The following CREG2 variants were observed in gnomAD, a reference collection of about 807,000 sequenced individuals.
CREG2 encodes protein CREG2.
A neutral mutation model predicts 26.2 loss-of-function variants in CREG2; 24 were observed. That is an observed-to-expected ratio of 0.92 (90% CI 0.66 to 1.29). The LOEUF is 1.29. CREG2 is among the 50% of genes most tolerant of loss of function. The probability of loss-of-function intolerance (pLI) is 0.00; values close to 1 mark genes in which losing one functional copy is unlikely to be tolerated. For missense variants in CREG2, 366 were observed against 398.6 expected (o/e 0.92, Z 0.70); for synonymous variants, 174 against 169.2 (o/e 1.03, Z -0.22).
At chr2:101,354,508 C>T (rs566010066) in intron 3 of CREG2, among the ~76,000 whole-genome samples, 108 of 152,230 alleles carry the variant, frequency 7.1e-4, no homozygotes, top group African/African-American at 2.5e-3. Flanking sequence ...CACTTGCCTT[C>T]GTGTTACTCT....
chr2:101,371,907 G>T (rs565487172), intron 2 of CREG2, among the ~76,000 whole-genome samples: 1 of 152,242 alleles, frequency 6.6e-6, no homozygotes, highest in Admixed American at 6.5e-5. Context: ...ATCGGTGAGG[G>T]AACTCTAGTC....
At chr2:101,374,358 CAG>C (rs1684756991) in intron 2 of CREG2, among the ~76,000 whole-genome samples, 1 of 152,288 alleles carries the variant, frequency 6.6e-6, no homozygotes, top group South Asian at 2.1e-4. Context: ...GTGTGGGTGA[CAG>C]AGCAAGACTG....
chr2:101,366,201 C>T (rs552412334), intron 2 of CREG2, among the ~76,000 whole-genome samples: 3 of 152,272 alleles, frequency 2.0e-5, no homozygotes, highest in South Asian at 2.1e-4. Context: ...CTTCTTCCTA[C>T]TCTTAGGGCA....
At chr2:101,373,099 T>A (rs12469432) in intron 2 of CREG2, among the ~76,000 whole-genome samples, 105,110 of 152,082 alleles carry the variant, frequency 0.69, 38,328 homozygotes, top group Non-Finnish European at 0.8. Flanking sequence ...AGCAATTCCA[T>A]TCCTAGGTAT....
intron 2 of CREG2, 108 bp from the exon 3 acceptor site, chr2:101,355,474 C>T (rs1007120746): frequency 2.9e-6 from 2 of 688,776 alleles, no homozygotes; most frequent in South Asian, 1.7e-5. Context: ...CTGGTTATAT[C>T]ATTCAGGTTA....
intron 2 of CREG2, among the ~76,000 whole-genome samples, chr2:101,362,624 C>T (rs1289171599): frequency 5.3e-5 from 8 of 152,200 alleles, no homozygotes; most frequent in African/African-American, 1.9e-4. Context: ...CTACCTCCTG[C>T]AACTTGAGCG....
intron 2 of CREG2, among the ~76,000 whole-genome samples, chr2:101,367,546 C>T (rs1164932171): frequency 6.6e-6 from 1 of 152,192 alleles, no homozygotes; most frequent in African/African-American, 2.4e-5. Context: ...GTTGCACATC[C>T]ATTTAAACTG....
At position 101,348,319 on chromosome 2, in the gene CREG2, G is replaced by A. The variant is rs1651259439; in HGVS notation, c.*2604C>T. 6.6e-6 allele frequency: 1 copy of A among 152,196 alleles called. No individual in the cohort carries two copies. Among genetic ancestry groups the A allele is most frequent in the Non-Finnish European group, 1.5e-5 (1 of 68,040 alleles). 9.4% of individuals were successfully genotyped at this position (152,196 alleles called of 1,614,324 possible). On this transcript the variant is annotated 3_prime_UTR_variant, in exon 4 of 4. Transcript: ENST00000324768. Reference sequence around the variant, plus strand: ...TCCATGTAACTTTTAAAATAAGCTTGTATAGGTCTACAAAATCCTTGTTGA... The same window carrying A: ...TCCATGTAACTTTTAAAATAAGCTTATATAGGTCTACAAAATCCTTGTTGA...
intron 2 of CREG2, among the ~76,000 whole-genome samples, chr2:101,380,620 G>T (rs764522564): frequency 6.6e-6 from 1 of 152,140 alleles, no homozygotes; most frequent in Non-Finnish European, 1.5e-5. Context: ...GAATAGGAGC[G>T]CCCAGAAGAC....
rs2104472474 is a variant in CREG2 at position 101,358,860 on chromosome 2, C to G, written c.612-3494G>C. 6.2e-5 allele frequency among the ~76,000 whole-genome samples: 2 copies of G among 32,102 alleles called. 1 individual carries two copies. The highest frequency in any genetic ancestry group is 0.04 in the Middle Eastern group (2 of 50). The allele number at this position is 32,102 out of a possible 152,430, so 21.1% of individuals were successfully genotyped here. On this transcript the variant is annotated intron_variant, in intron 2 of 3. Transcript: ENST00000324768. ...ACCATCCCGGCTAAAACGGTGAAAC[C>G]CCGTCTCTACTAAAAATACAAAAAA...
intron 2 of CREG2, among the ~76,000 whole-genome samples, chr2:101,362,801 G>T (rs1684561848): frequency 6.6e-6 from 1 of 152,164 alleles, no homozygotes; most frequent in South Asian, 2.1e-4. Context: ...GTGAGGATGG[G>T]CAGCTTGTAA....
At chr2:101,379,963 G>A (rs1462844906) in intron 2 of CREG2, among the ~76,000 whole-genome samples, 1 of 143,574 alleles carries the variant, frequency 7.0e-6, no homozygotes, top group Admixed American at 7.1e-5. Flanking sequence ...TTGAATGTGT[G>A]AAAGCTTCTA....
intron 2 of CREG2, among the ~76,000 whole-genome samples, chr2:101,355,717 CG>C (rs901014163): frequency 1.2e-4 from 11 of 90,150 alleles, no homozygotes; most frequent in African/African-American, 2.5e-4. Context: ...GGGTGGGGTT[CG>C]GGGGGGTGGG....
Position 101,382,570 on chromosome 2 carries a change from C to G in CREG2, c.611+963G>C, listed in dbSNP as rs1029142704. The G allele has an allele frequency of 4.1e-6, 4 of 985,226 alleles. No homozygotes were observed. In the African/African-American group the frequency reaches 5.2e-5, roughly 13 times the overall value. The allele number at this position is 985,226 out of a possible 1,614,324, so 61.0% of individuals were successfully genotyped here. The stretch of plus-strand genomic sequence containing the variant: ...TCTTTTCCTGGCTTCTTGCTGTAAC[C>G]TGGTGGGGAACAGGGTCAGCTGAAG... On this transcript the variant is annotated intron_variant, in intron 2 of 3. Coordinates refer to ENST00000324768, the MANE Select transcript of CREG2 (RefSeq NM_153836.4).
At chr2:101,381,587 A>C (rs1237007685) in intron 2 of CREG2, among the ~76,000 whole-genome samples, 2 of 152,202 alleles carry the variant, frequency 1.3e-5, no homozygotes, top group African/African-American at 4.8e-5. Flanking sequence ...TATTTACATC[A>C]TATTTCAATA....
rs941014995 is a variant in CREG2 at position 101,350,948 on chromosome 2, A to G, written c.848T>C (p.Phe283Ser). Residue 283 changes from phenylalanine to serine, a missense_variant, in exon 4 of 4, where the codon TTC becomes TCC. This residue lies in a region of CREG2 where 174 missense variants were observed against 178.2 expected (regional missense o/e 0.98). Coordinates refer to ENST00000324768, the MANE Select transcript of CREG2 (RefSeq NM_153836.4). ...TCAGGCCTTTCTGGGAACTGCTTTG[A>G]AATATTCCTCCCTTGAAATACTGGA... Reference protein sequence around the residue: ...GASSISREEYFKAVPRKA With the variant: ...GASSISREEYSKAVPRKA 3.1e-6 allele frequency: 5 copies of G among 1,614,112 alleles called. No homozygotes were observed. Among genetic ancestry groups the G allele is most frequent in the African/African-American group, 1.3e-5 (1 of 74,930 alleles).
In CREG2 at chr2:101,387,191, C is replaced by T. The variant is rs1260063400; in HGVS notation, c.267G>A (p.Ala89=). The change falls in exon 1 of 4, where the codon GCG becomes GCA. Residue 89 remains alanine (A), a synonymous_variant. Transcript: ENST00000324768. This position sits in a 1 kb window ranked among gnomAD's most constrained non-coding sequence, Gnocchi z 4.7. ...GGGGCGGCCTGGCCCGGGCGGCGCCCGCCCGGGGCCGCAGGTGCGCGTCCT... is the reference window on the plus strand; with the variant it reads ...GGGGCGGCCTGGCCCGGGCGGCGCCTGCCCGGGGCCGCAGGTGCGCGTCCT... ...HKEDAHLRPR[A]GAARARPPPA... The T allele has an allele frequency of 4.5e-6, 6 of 1,347,860 alleles. No homozygotes were observed. The Admixed American group carries it at 1.5e-4, about 33-fold the overall frequency. The allele number at this position is 1,347,860 out of a possible 1,614,324, so 83.5% of individuals were successfully genotyped here.
At chr2:101,382,741 TA>T (rs1322321332) in intron 2 of CREG2, 2 of 985,336 alleles carry the variant, frequency 2.0e-6, no homozygotes, top group Non-Finnish European at 2.4e-6. Flanking sequence ...TAAAGAATAA[TA>T]GAATTTCACA....
intron 3 of CREG2, among the ~76,000 whole-genome samples, chr2:101,353,128 T>A (rs1419561506): frequency 6.6e-6 from 1 of 152,230 alleles, no homozygotes; most frequent in Non-Finnish European, 1.5e-5. Flanking sequence ...GTAAATTTGT[T>A]TAAGTTCCTT....
Sources: gnomAD v4.1 joint callset for allele counts (sites outside exome capture counted in the v4.1 genomes callset) on GRCh38, gnomAD v4.1.1 for gene constraint, gnomAD v4.1.1 regional missense constraint, Gnocchi (gnomAD v3.1) non-coding constraint, MANE v1.5 for transcripts, NCBI Gene and HGNC (gene_info 2026-07-23, HGNC 2026-07-21) for gene names.